KCNQ5: variants seen among roughly 807,000 people sequenced by gnomAD.
The protein encoded by KCNQ5 is potassium voltage-gated channel subfamily Q member 5.
A neutral mutation model predicts 98.2 loss-of-function variants in KCNQ5; 30 were observed. The observed-to-expected ratio is 0.31, with a 90% CI of 0.23 to 0.41. The LOEUF is 0.41. Among genes scored for constraint, KCNQ5 ranks in the 10% least tolerant of loss-of-function variants. The pLI, the probability that KCNQ5 is intolerant of heterozygous loss-of-function variation, is 1.00. For synonymous variants in KCNQ5, 458 were observed against 449.4 expected (o/e 1.02, Z -0.24); for missense variants, 835 against 1,182.5 (o/e 0.71, Z 4.31).
chr6:72,645,584 G>A (rs1315147763), intron 1 of KCNQ5, among the ~76,000 whole-genome samples: 2 of 152,050 alleles, frequency 1.3e-5, no homozygotes, highest in Non-Finnish European at 1.5e-5. Flanking sequence ...TTGAATTCCC[G>A]TTTTTAGTCT....
intron 1 of KCNQ5, among the ~76,000 whole-genome samples, chr6:72,833,341 A>G (rs1776363327): frequency 6.6e-6 from 1 of 152,150 alleles, no homozygotes; most frequent in Non-Finnish European, 1.5e-5. Context: ...CACATCCCCA[A>G]AGTTCTGGAA....
intron 1 of KCNQ5, among the ~76,000 whole-genome samples, chr6:72,917,767 G>C (rs1464190792): frequency 6.6e-6 from 1 of 152,140 alleles, no homozygotes; most frequent in Non-Finnish European, 1.5e-5. Context: ...CACCATGCGC[G>C]GCCAGGAGCT....
At chr6:72,675,762 A>G (rs1240068948) in intron 1 of KCNQ5, among the ~76,000 whole-genome samples, 1 of 152,226 alleles carries the variant, frequency 6.6e-6, no homozygotes, top group Admixed American at 6.5e-5. Flanking sequence ...CTTTTAAACT[A>G]AGCCTTAGGG....
chr6:72,808,696 C>T (rs1775074296), intron 1 of KCNQ5, among the ~76,000 whole-genome samples: 1 of 152,026 alleles, frequency 6.6e-6, no homozygotes, highest in African/African-American at 2.4e-5. Context: ...GCCTATAATC[C>T]TAGCACTTGG....
chr6:72,984,684 C>T (rs745466010), intron 1 of KCNQ5, among the ~76,000 whole-genome samples: 8 of 152,140 alleles, frequency 5.3e-5, no homozygotes, highest in African/African-American at 1.4e-4. Flanking sequence ...GGCAATACCC[C>T]GCCCTGCTTC....
chr6:72,770,099 T>G lies in KCNQ5; in HGVS notation c.398+147512T>G, dbSNP rs548070954. Among the ~76,000 whole-genome samples the G allele has an allele frequency of 1.8e-3, 280 of 152,282 alleles. 5 individuals carry two copies. Among genetic ancestry groups the G allele is most frequent in the Non-Finnish European group, 3.3e-3 (227 of 68,006 alleles). On this transcript the variant is annotated intron_variant, in intron 1 of 13. Transcript: ENST00000370398. ...AAGCAACAGGTTGAGAAAGCTTAAA[T>G]GGGAGATATGGTTTTAAAATGGATT...
intron 1 of KCNQ5, among the ~76,000 whole-genome samples, chr6:72,766,976 G>A (rs1772606509): frequency 6.6e-6 from 1 of 151,962 alleles, no homozygotes; most frequent in Non-Finnish European, 1.5e-5. Flanking sequence ...TAGAAAAGAG[G>A]AGATGAGGAG....
intron 1 of KCNQ5, among the ~76,000 whole-genome samples, chr6:72,661,921 A>G (rs371915235): frequency 5.5e-4 from 84 of 152,268 alleles, no homozygotes; most frequent in African/African-American, 2.0e-3. Context: ...ATTTATGTTT[A>G]GCCATCACAG....
At chr6:73,034,913 T>G (rs943622262) in intron 2 of KCNQ5, among the ~76,000 whole-genome samples, 108 of 147,996 alleles carry the variant, frequency 7.3e-4, no homozygotes, top group Admixed American at 2.2e-3. Context: ...TGGCATGATC[T>G]CGGCTCACTG....
At chr6:72,731,063 T>C (rs1233983781) in intron 1 of KCNQ5, among the ~76,000 whole-genome samples, 2 of 152,242 alleles carry the variant, frequency 1.3e-5, no homozygotes, top group Non-Finnish European at 2.9e-5. Context: ...GCTTAGCATA[T>C]GTGATACTAA....
At chr6:72,943,178 A>G (rs1261103762) in intron 1 of KCNQ5, among the ~76,000 whole-genome samples, 1 of 152,170 alleles carries the variant, frequency 6.6e-6, no homozygotes, top group Non-Finnish European at 1.5e-5. Flanking sequence ...TTTCAAAAGC[A>G]TCCGCCTCTT....
chr6:72,723,642 T>G (rs1770093396), intron 1 of KCNQ5, among the ~76,000 whole-genome samples: 1 of 152,168 alleles, frequency 6.6e-6, no homozygotes, highest in Non-Finnish European at 1.5e-5. Context: ...TGCTTCTTTC[T>G]TTTCCTTTTT....
intron 1 of KCNQ5, among the ~76,000 whole-genome samples, chr6:72,865,649 T>C (rs1777950902): frequency 6.6e-6 from 1 of 152,100 alleles, no homozygotes; most frequent in South Asian, 2.1e-4. Context: ...TGGCCCTAAT[T>C]CCAAAGCCAA....
chr6:72,845,573 G>C (rs920276279), intron 1 of KCNQ5, among the ~76,000 whole-genome samples: 2 of 152,128 alleles, frequency 1.3e-5, no homozygotes, highest in African/African-American at 2.4e-5. Context: ...GCATTCATGG[G>C]AATGTTCAGA....
chr6:72,875,878 T>A (rs930968604), intron 1 of KCNQ5, among the ~76,000 whole-genome samples: 2 of 152,100 alleles, frequency 1.3e-5, no homozygotes, highest in African/African-American at 4.8e-5. Flanking sequence ...CAGGTAAAAT[T>A]TCATGTGCTA....
At chr6:73,053,338 T>C (rs930143562) in intron 3 of KCNQ5, among the ~76,000 whole-genome samples, 5 of 152,076 alleles carry the variant, frequency 3.3e-5, no homozygotes, top group Non-Finnish European at 5.9e-5. Flanking sequence ...AGACAGGTCA[T>C]TGAGGCAGAA....
intron 1 of KCNQ5, among the ~76,000 whole-genome samples, chr6:72,827,653 C>A (rs1776061914): frequency 6.6e-6 from 1 of 152,100 alleles, no homozygotes; most frequent in South Asian, 2.1e-4. Flanking sequence ...GAGTAGCTTA[C>A]AAATATTTTC....
intron 1 of KCNQ5, among the ~76,000 whole-genome samples, chr6:72,853,532 C>A (rs1244043127): frequency 6.6e-6 from 1 of 152,078 alleles, no homozygotes; most frequent in Non-Finnish European, 1.5e-5. Flanking sequence ...TTATTAGAGA[C>A]AGGATTTCGC....
chr6:72,856,794 G>T (rs556769300), intron 1 of KCNQ5, among the ~76,000 whole-genome samples: 2 of 152,144 alleles, frequency 1.3e-5, no homozygotes, highest in Admixed American at 6.6e-5. Context: ...CATTGTGGAG[G>T]TCCCCATGTC....
Sources: gnomAD v4.1 joint callset for allele counts (sites outside exome capture counted in the v4.1 genomes callset) on GRCh38, gnomAD v4.1.1 for gene constraint, MANE v1.5 for transcripts, NCBI Gene and HGNC (gene_info 2026-07-23, HGNC 2026-07-21) for gene names.